Variants in MET observed in about 807,000 individuals in gnomAD.
The protein encoded by MET is MET proto-oncogene, receptor tyrosine kinase.
MET carries 48 observed loss-of-function variants against 133.1 expected under a neutral mutation model. That is an observed-to-expected ratio of 0.36 (90% CI 0.29 to 0.46). The LOEUF (loss-of-function observed/expected upper bound fraction) is 0.46. Among genes scored for constraint, MET ranks in the 20% least tolerant of loss-of-function variants. The probability of loss-of-function intolerance (pLI) is 1.00; values close to 1 mark genes in which losing one functional copy is unlikely to be tolerated. For synonymous variants in MET, 628 were observed against 616.5 expected (o/e 1.02, Z -0.28); for missense variants, 1,442 against 1,695.9 (o/e 0.85, Z 2.63).
At chr7:116,698,801 T>C (rs1797055465) in intron 1 of MET, among the ~76,000 whole-genome samples, 1 of 152,256 alleles carries the variant, frequency 6.6e-6, no homozygotes, top group Admixed American at 6.5e-5. Flanking sequence ...ACTTAGTTAC[T>C]GTATCAACCT....
At chr7:116,750,386 A>G (rs1368751471) in intron 5 of MET, among the ~76,000 whole-genome samples, 3 of 152,388 alleles carry the variant, frequency 2.0e-5, no homozygotes, top group Non-Finnish European at 2.9e-5. Context: ...CATATGCAGA[A>G]AACTGAAACT....
chr7:116,791,017 G>A (rs1036257863), intron 19 of MET, among the ~76,000 whole-genome samples: 5 of 152,212 alleles, frequency 3.3e-5, no homozygotes, highest in African/African-American at 1.2e-4. Flanking sequence ...TGCAGAGGTT[G>A]CAGTGAGCTG....
At chr7:116,779,402 C>T (rs1233026792) in intron 17 of MET, among the ~76,000 whole-genome samples, 1 of 152,194 alleles carries the variant, frequency 6.6e-6, no homozygotes, top group African/African-American at 2.4e-5. Context: ...CTTGTGCTCC[C>T]TCAGCCTGGA....
chr7:116,769,111 GTATTAA>G (rs1490980598), intron 11 of MET, among the ~76,000 whole-genome samples: 4 of 152,088 alleles, frequency 2.6e-5, no homozygotes, highest in Non-Finnish European at 5.9e-5. Context: ...AAAAAAGAAT[GTATTAA>G]TATTAACATA....
chr7:116,793,423 C>T (rs1393197238), intron 19 of MET, among the ~76,000 whole-genome samples: 1 of 151,768 alleles, frequency 6.6e-6, no homozygotes. Flanking sequence ...GATCTGCCCA[C>T]CCCCGCCTCC....
intron 1 of MET, among the ~76,000 whole-genome samples, chr7:116,697,398 C>T (rs1478034359): frequency 3.3e-5 from 5 of 152,126 alleles, no homozygotes; most frequent in African/African-American, 1.2e-4. Flanking sequence ...TTCTAAGCCA[C>T]CCTGCCTCCA....
intron 1 of MET, among the ~76,000 whole-genome samples, chr7:116,698,796 G>A (rs1372346877): frequency 6.6e-6 from 1 of 152,170 alleles, no homozygotes; most frequent in East Asian, 1.9e-4. Context: ...GTCTAACTTA[G>A]TTACTGTATC....
At chr7:116,759,296 G>A (rs772264642) in intron 9 of MET, 95 bp from the exon 10 acceptor site, 3 of 1,546,116 alleles carry the variant, frequency 1.9e-6, no homozygotes, top group African/African-American at 1.4e-5. Flanking sequence ...CCTCTGACCT[G>A]TAATCAGTGC....
At chr7:116,749,588 A>G (rs1281306051) in intron 5 of MET, among the ~76,000 whole-genome samples, 4 of 152,188 alleles carry the variant, frequency 2.6e-5, no homozygotes, top group Admixed American at 1.3e-4. Context: ...TATTCAACAT[A>G]ACATTGGAAG....
At chr7:116,772,440 T>G (rs1015217708) in intron 14 of MET, among the ~76,000 whole-genome samples, 1 of 152,204 alleles carries the variant, frequency 6.6e-6, no homozygotes, top group African/African-American at 2.4e-5. Context: ...CACAGCCTTT[T>G]TCCCACCATA....
chr7:116,730,674 C>T (rs1039688347), intron 2 of MET, among the ~76,000 whole-genome samples: 3 of 151,754 alleles, frequency 2.0e-5, no homozygotes, highest in African/African-American at 4.8e-5. Context: ...TATATGGGGG[C>T]GGAGGGAGAG....
chr7:116,693,743 A>G (rs905643748), intron 1 of MET, among the ~76,000 whole-genome samples: 1 of 152,168 alleles, frequency 6.6e-6, no homozygotes, highest in Non-Finnish European at 1.5e-5. Context: ...ACATTTGGAA[A>G]GCGTTTTATT....
chr7:116,741,063 T>G, intron 5 of MET, 38 bp downstream of exon 5: 1 of 1,599,882 alleles, frequency 6.3e-7, no homozygotes. Context: ...TGTTTTTGTT[T>G]GGTGTTTTTT....
At chr7:116,760,885 A>C (rs918574380) in intron 10 of MET, among the ~76,000 whole-genome samples, 12 of 152,200 alleles carry the variant, frequency 7.9e-5, no homozygotes, top group Non-Finnish European at 5.9e-5. Context: ...AAACAAAGTT[A>C]GAGTACCACT....
At chr7:116,713,734 A>G (rs570871843) in intron 2 of MET, among the ~76,000 whole-genome samples, 2 of 152,310 alleles carry the variant, frequency 1.3e-5, no homozygotes, top group Admixed American at 1.3e-4. Flanking sequence ...AGTTGGATTA[A>G]TGGCAGGCTA....
intron 2 of MET, among the ~76,000 whole-genome samples, chr7:116,710,269 A>G (rs564894613): frequency 6.6e-6 from 1 of 152,204 alleles, no homozygotes; most frequent in Non-Finnish European, 1.5e-5. Context: ...TGTTTGAAAA[A>G]ATGATTTGTA....
rs1330648228 is a variant in MET at position 116,755,440 on chromosome 7, T to A, written c.1787T>A (p.Phe596Tyr). The stretch of plus-strand genomic sequence containing the variant: ...TTTGGATTTCGGAGGAATAATAAAT[T>A]TGATTTAAAGAAAACTAGAGTTCTC... The part of the protein sequence containing the change: ...WDFGFRRNNK[F>Y]DLKKTRVLLG... Residue 596 changes from phenylalanine to tyrosine, a missense_variant, in exon 6 of 21, where the codon TTT (phenylalanine) becomes TAT (tyrosine). By Grantham distance (22) the Phe-to-Tyr change is conservative. Around this residue, in one of 6 missense-constraint regions of MET, gnomAD observed 762 missense variants for 792.4 expected, o/e 0.96. Transcript: ENST00000397752. 6.2e-7 allele frequency: 1 copy of A among 1,614,116 alleles called. No homozygotes were observed. Among genetic ancestry groups the A allele is most frequent in the Admixed American group, 1.7e-5 (1 of 60,012 alleles).
rs1795674301 is a variant in MET, at chr7:116,796,256, A to T, written c.*132A>T. On this transcript the variant is annotated 3_prime_UTR_variant, in exon 21 of 21. Transcript: ENST00000397752. ...ATTATAGGACTTGTATTGTTATTTAAATTACTGGATTCTAAGGAATTTCTT... is the reference window on the plus strand; with the variant it reads ...ATTATAGGACTTGTATTGTTATTTATATTACTGGATTCTAAGGAATTTCTT... The T allele has an allele frequency of 8.2e-6, 7 of 849,366 alleles. No homozygotes were observed. In the Admixed American group the frequency reaches 1.3e-4, roughly 16 times the overall value. The allele number at this position is 849,366 out of a possible 1,614,324, so 52.6% of individuals were successfully genotyped here. A position where few individuals can be genotyped will look rare whatever the true frequency, so the allele number is the denominator to read the frequency against.
chr7:116,748,177 G>A (rs556902471), intron 5 of MET, among the ~76,000 whole-genome samples: 115 of 152,212 alleles, frequency 7.6e-4, no homozygotes, highest in Non-Finnish European at 1.4e-3. Context: ...CCAGGAGGCG[G>A]AGCTTGTAGT....
Sources: allele counts gnomAD v4.1 joint callset (sites outside exome capture counted in the v4.1 genomes callset), GRCh38; gene constraint gnomAD v4.1.1; regional missense constraint gnomAD v4.1.1; transcripts MANE v1.5; gene names NCBI Gene and HGNC (gene_info 2026-07-23, HGNC 2026-07-21).